The following CAGE1 variants were observed in gnomAD, a reference collection of about 807,000 sequenced individuals.
The protein encoded by CAGE1 is cancer antigen 1, also known as cancer-associated gene 1 protein.
A neutral mutation model predicts 94.9 loss-of-function variants in CAGE1; 66 were observed. That is an observed-to-expected ratio of 0.70 (90% CI 0.57 to 0.85). The LOEUF (loss-of-function observed/expected upper bound fraction) is 0.85. CAGE1 is among the 40% of genes least tolerant of loss of function. CAGE1 has a pLI of 0.00. For synonymous variants in CAGE1, 319 were observed against 321.0 expected (o/e 0.99, Z 0.07); for missense variants, 865 against 950.4 (o/e 0.91, Z 1.18).
intron 11 of CAGE1, chr6:7,347,548 T>C (rs1365782805): frequency 1.3e-5 from 2 of 148,192 alleles, no homozygotes; most frequent in East Asian, 4.0e-4. Context: ...TTGTAACAAT[T>C]TGAATTGAGC....
intron 13 of CAGE1, among the ~76,000 whole-genome samples, chr6:7,327,709 C>T (rs1758583261): frequency 1.3e-5 from 2 of 151,802 alleles, no homozygotes; most frequent in Non-Finnish European, 2.9e-5. Flanking sequence ...GGCAGGCGGA[C>T]CACCTGAGGT....
intron 11 of CAGE1, among the ~76,000 whole-genome samples, chr6:7,340,277 T>G (rs942203795): frequency 6.6e-6 from 1 of 152,218 alleles, no homozygotes; most frequent in African/African-American, 2.4e-5. Context: ...GTTTTTTTCT[T>G]GTTAATTTGT....
chr6:7,355,826 A>T (rs1383256166), intron 10 of CAGE1, among the ~76,000 whole-genome samples, 199 bp downstream of exon 10: 1 of 152,108 alleles, frequency 6.6e-6, no homozygotes, highest in Non-Finnish European at 1.5e-5. Context: ...ACATAGCGAG[A>T]CCATGTCTCT....
intron 11 of CAGE1, among the ~76,000 whole-genome samples, chr6:7,353,261 A>G (rs11965108): frequency 0.053 from 8,049 of 152,260 alleles, 350 homozygotes; most frequent in African/African-American, 0.12. Context: ...AAGAAGATAT[A>G]CAAGTGGCCA....
intron 11 of CAGE1, among the ~76,000 whole-genome samples, chr6:7,354,370 G>GA (rs1243407907): frequency 1.8e-4 from 28 of 152,226 alleles, no homozygotes; most frequent in Admixed American, 9.2e-4. Context: ...GTTCTGCTTA[G>GA]AAACAATTGT....
At chr6:7,368,495 C>A (rs1300547334) in intron 7 of CAGE1, among the ~76,000 whole-genome samples, 193 bp downstream of exon 7, 1 of 151,898 alleles carries the variant, frequency 6.6e-6, no homozygotes, top group Admixed American at 6.6e-5. Flanking sequence ...GAGATTTTCC[C>A]ATACAGACAA....
Position 7,387,134 on chromosome 6 carries a change from C to G in CAGE1, c.40G>C (p.Asp14His). The G allele has an allele frequency of 6.4e-7, 1 of 1,551,398 alleles. No homozygotes were observed. The highest frequency in any genetic ancestry group is 8.7e-7 in the Non-Finnish European group (1 of 1,146,818). ...GTATCCACTTCAAAATGTACAGGATCTGAAGGTGATGACCAAAATTTTTGA... is the reference window on the plus strand; with the variant it reads ...GTATCCACTTCAAAATGTACAGGATGTGAAGGTGATGACCAAAATTTTTGA... ...DYQKFWSSPSDPVHFEVDTSH... is the reference protein window; with the variant it reads ...DYQKFWSSPSHPVHFEVDTSH... Residue 14 changes from aspartate (D) to histidine (H), a missense_variant, in exon 2 of 14, where the codon GAT becomes CAT. Coordinates refer to ENST00000502583, the MANE Select transcript of CAGE1 (RefSeq NM_001170692.2).
At chr6:7,344,028 G>GA (rs1180746647) in intron 11 of CAGE1, among the ~76,000 whole-genome samples, 1 of 152,252 alleles carries the variant, frequency 6.6e-6, no homozygotes, top group African/African-American at 2.4e-5. Context: ...TTAAGTGTTA[G>GA]AAAGTGGTGA....
At chr6:7,385,621 C>A (rs983141946) in intron 3 of CAGE1, among the ~76,000 whole-genome samples, 164 bp downstream of exon 3, 4 of 151,780 alleles carry the variant, frequency 2.6e-5, no homozygotes, top group African/African-American at 9.7e-5. Context: ...TAAAAACAGC[C>A]CTTACTTCAA....
chr6:7,386,965 T>A lies in CAGE1; in HGVS notation c.195+14A>T. The A allele has an allele frequency of 6.6e-7, 1 of 1,522,490 alleles. No homozygotes were observed. 94.3% of individuals were successfully genotyped at this position (1,522,490 alleles called of 1,614,324 possible). A position where few individuals can be genotyped will look rare whatever the true frequency, so the allele number is the denominator to read the frequency against. On this transcript the variant is annotated intron_variant, in intron 2 of 13. Coordinates refer to ENST00000502583, the MANE Select transcript of CAGE1 (RefSeq NM_001170692.2). ...ATACATCTGAGCCTCCTGGAACTTA[T>A]AAGCAATGCACACCTGAGGCAAGTC...
chr6:7,332,374 A>G (rs1758788388), intron 12 of CAGE1, among the ~76,000 whole-genome samples: 1 of 152,144 alleles, frequency 6.6e-6, no homozygotes, highest in Admixed American at 6.5e-5. Flanking sequence ...TCGATACTCT[A>G]TCAGCCCCGA....
At chr6:7,349,034 A>G (rs980946703) in intron 11 of CAGE1, among the ~76,000 whole-genome samples, 2 of 152,244 alleles carry the variant, frequency 1.3e-5, no homozygotes, top group Non-Finnish European at 2.9e-5. Context: ...AGAGACCGCA[A>G]CATCCAAATA....
intron 9 of CAGE1, among the ~76,000 whole-genome samples, chr6:7,358,027 G>GATAGATATATATACAT (rs1554138205): frequency 2.1e-5 from 1 of 48,076 alleles, no homozygotes. Flanking sequence ...TAAGTTTTGA[G>GATAGATATATATACAT]ATATATATAT....
intron 12 of CAGE1, among the ~76,000 whole-genome samples, chr6:7,330,153 C>T (rs1430287688): frequency 1.3e-5 from 2 of 152,054 alleles, no homozygotes; most frequent in Non-Finnish European, 2.9e-5. Flanking sequence ...TTTGGGAGGC[C>T]CAGGTGGGTG....
At chr6:7,357,772 T>G (rs965907723) in intron 9 of CAGE1, among the ~76,000 whole-genome samples, 10 of 151,602 alleles carry the variant, frequency 6.6e-5, no homozygotes, top group African/African-American at 2.2e-4. Flanking sequence ...TTGGTAAATT[T>G]TTGTTGTTGT....
In CAGE1 at chr6:7,385,799, T is replaced by G. The variant is rs374228721; in HGVS notation, c.269A>C (p.Asp90Ala). The change falls in exon 3 of 14, where the codon GAC becomes GCC. Residue 90 changes from aspartate (D) to alanine (A), a missense_variant. Asp to Ala is a moderately radical substitution (Grantham distance 126). Transcript: ENST00000502583. ...TLCEDAYGTL[D>A]NLLNDNNIEN... ...TAGATACTTACCATTTAACAAATTG[T>G]CTAGTGTGCCATAAGCATCTTCACA... The G allele has an allele frequency of 9.1e-6, 14 of 1,537,494 alleles. No individual in the cohort carries two copies. The highest frequency in any genetic ancestry group is 1.2e-5 in the Non-Finnish European group (14 of 1,140,932).
At chr6:7,379,440 A>T (rs1003860454) in intron 3 of CAGE1, among the ~76,000 whole-genome samples, 1 of 152,158 alleles carries the variant, frequency 6.6e-6, no homozygotes, top group African/African-American at 2.4e-5. Context: ...TATTATCCCT[A>T]TTTTACAGAT....
At chr6:7,349,301 A>C (rs1483165967) in intron 11 of CAGE1, among the ~76,000 whole-genome samples, 3 of 152,332 alleles carry the variant, frequency 2.0e-5, no homozygotes, top group African/African-American at 7.2e-5. Flanking sequence ...TTTTGTATGT[A>C]GCCAAACTAA....
chr6:7,334,855 A>G (rs1758896375), intron 11 of CAGE1, among the ~76,000 whole-genome samples: 1 of 152,138 alleles, frequency 6.6e-6, no homozygotes, highest in African/African-American at 2.4e-5. Flanking sequence ...TTTTCCATCC[A>G]GAGAGGTTGT....
Sources: gnomAD v4.1 joint callset for allele counts (sites outside exome capture counted in the v4.1 genomes callset) on GRCh38, gnomAD v4.1.1 for gene constraint, MANE v1.5 for transcripts, NCBI Gene and HGNC (gene_info 2026-07-23, HGNC 2026-07-21) for gene names.